Variants in ADGRL2 observed in about 807,000 individuals in gnomAD.
The protein encoded by ADGRL2 is adhesion G protein-coupled receptor L2.
Under a neutral mutation model 157.4 loss-of-function variants are expected in ADGRL2, and 44 were observed. That is an observed-to-expected ratio of 0.28 (90% CI 0.22 to 0.36). ADGRL2 has a LOEUF of 0.36. ADGRL2 is among the 10% of genes least tolerant of loss of function. The probability of loss-of-function intolerance (pLI) is 1.00; values close to 1 mark genes in which losing one functional copy is unlikely to be tolerated. For missense variants in ADGRL2, 1,510 were observed against 1,768.9 expected (o/e 0.85, Z 2.63); for synonymous variants, 585 against 624.7 (o/e 0.94, Z 0.95).
chr1:81,669,717 C>A (rs575565038), intron 3 of ADGRL2, among the ~76,000 whole-genome samples: 1 of 151,834 alleles, frequency 6.6e-6, no homozygotes, highest in Non-Finnish European at 1.5e-5. Context: ...CCAAGGCGGG[C>A]GGATCATGAG....
At chr1:81,478,307 G>A (rs1436694772) in intron 2 of ADGRL2, among the ~76,000 whole-genome samples, 1 of 152,158 alleles carries the variant, frequency 6.6e-6, no homozygotes, top group Non-Finnish European at 1.5e-5. Context: ...TATGCCCAGG[G>A]CTCTAGATGA....
At chr1:81,632,681 C>T (rs927676219) in intron 3 of ADGRL2, among the ~76,000 whole-genome samples, 2 of 151,900 alleles carry the variant, frequency 1.3e-5, no homozygotes, top group East Asian at 1.9e-4. Context: ...ATAGCGTGAA[C>T]CCGGGAGGCG....
At position 81,377,821 on chromosome 1, in the gene ADGRL2, T is replaced by A. The variant is rs11163267; in HGVS notation, c.-301-67215T>A. ...TACCTCCTTAACACCACATCTCTCA[T>A]GATTTTGTACCTAATTTTGAATTTT... On this transcript the variant is annotated intron_variant, in intron 1 of 24. Transcript: ENST00000370721. Among the ~76,000 whole-genome samples, 217 of 152,054 alleles carry A rather than the reference T, an allele frequency of 1.4e-3. 1 individual carries two copies. Among genetic ancestry groups the A allele is most frequent in the African/African-American group, 4.9e-3 (203 of 41,460 alleles).
chr1:81,720,184 C>CTTTTTT (rs112579932), intron 1 of ADGRL2, among the ~76,000 whole-genome samples: 1 of 122,054 alleles, frequency 8.2e-6, no homozygotes, highest in Non-Finnish European at 1.8e-5. Flanking sequence ...TTTTTCTTTT[C>CTTTTTT]TTTTTTTTTT....
At chr1:81,403,799 A>AT (rs200477492) in intron 1 of ADGRL2, among the ~76,000 whole-genome samples, 44,645 of 139,118 alleles carry the variant, frequency 0.32, 7,745 homozygotes, top group East Asian at 0.61. Flanking sequence ...AATGTCTTTG[A>AT]TTTTTTTTTT....
At chr1:81,415,990 G>C (rs1440755574) in intron 1 of ADGRL2, among the ~76,000 whole-genome samples, 1 of 151,808 alleles carries the variant, frequency 6.6e-6, no homozygotes. Context: ...ACAGGCGCCC[G>C]CCACCATGCC....
chr1:81,933,905 C>T (rs1389038260), intron 3 of ADGRL2, among the ~76,000 whole-genome samples: 1 of 151,984 alleles, frequency 6.6e-6, no homozygotes, highest in Non-Finnish European at 1.5e-5. Flanking sequence ...CTTTCTGACC[C>T]TTAACTGTTT....
intron 2 of ADGRL2, among the ~76,000 whole-genome samples, chr1:81,789,163 A>G (rs1173539048): frequency 6.6e-6 from 1 of 152,226 alleles, no homozygotes; most frequent in Non-Finnish European, 1.5e-5. Flanking sequence ...TACAGGCCAC[A>G]GCAGTTTGAG....
intron 2 of ADGRL2, among the ~76,000 whole-genome samples, chr1:81,852,867 A>C (rs1383674336): frequency 2.6e-5 from 4 of 152,164 alleles, no homozygotes; most frequent in African/African-American, 9.7e-5. Flanking sequence ...GCTTTATTAA[A>C]TTATTTTTTA....
In ADGRL2 at chr1:81,559,371, G is replaced by A. The variant is rs934978885; in HGVS notation, c.-247-21505G>A. 4.0e-5 allele frequency among the ~76,000 whole-genome samples: 6 copies of A among 151,636 alleles called. No homozygotes were observed. In the East Asian group the frequency reaches 5.8e-4, roughly 15 times the overall value. On this transcript the variant is annotated intron_variant, in intron 2 of 24. Coordinates refer to the ADGRL2 transcript ENST00000370721. ...TTGTGATGGATATAAATACGATGAA[G>A]AATTGGTATCATGTACAGTTCAATA...
At chr1:81,314,469 G>A (rs1443410721) in intron 1 of ADGRL2, among the ~76,000 whole-genome samples, 2 of 152,084 alleles carry the variant, frequency 1.3e-5, no homozygotes, top group Non-Finnish European at 2.9e-5. Flanking sequence ...TTTGCCCTCA[G>A]TAATATCAGC....
chr1:81,450,798 A>G (rs2077688690), intron 2 of ADGRL2, among the ~76,000 whole-genome samples: 1 of 152,242 alleles, frequency 6.6e-6, no homozygotes, highest in South Asian at 2.1e-4. Flanking sequence ...AAAGCATTAT[A>G]TGTGCTTTTT....
At chr1:81,941,228 A>T (rs2148926055) in intron 4 of ADGRL2, among the ~76,000 whole-genome samples, 1 of 151,340 alleles carries the variant, frequency 6.6e-6, no homozygotes, top group Non-Finnish European at 1.5e-5. Context: ...ATAATATAGA[A>T]AATTTAATAA....
chr1:81,548,808 G>A (rs1445101672), intron 2 of ADGRL2, among the ~76,000 whole-genome samples: 2 of 152,206 alleles, frequency 1.3e-5, no homozygotes, highest in Non-Finnish European at 2.9e-5. Flanking sequence ...AAGGATTTGA[G>A]TCAGTGGACA....
Position 81,985,258 on chromosome 1 carries a change from G to A in ADGRL2, c.3412-1G>A. 6.5e-7 allele frequency: 1 copy of A among 1,544,548 alleles called. No individual in the cohort carries two copies. Among genetic ancestry groups the A allele is most frequent in the Non-Finnish European group, 8.9e-7 (1 of 1,122,270 alleles). On this transcript the variant is annotated splice_acceptor_variant, in intron 20 of 23. Coordinates refer to ENST00000686636, the MANE Select transcript of ADGRL2 (RefSeq NM_001366006.2). LOFTEE classifies it high-confidence loss of function. ...TTTGTCTTGCTGTTTTGTATTAATA[G>A]AGTCGTATAAGAAGAATGTGGAATG... is the stretch of plus-strand genomic sequence containing the variant.
rs1276140829 is a variant in ADGRL2, at chr1:81,985,298, CA to C, written c.3453del (p.Gln1151HisfsTer21). On this transcript the variant is annotated frameshift_variant, in exon 21 of 24. Transcript: ENST00000686636. LOFTEE classifies it high-confidence loss of function. Reference sequence around the variant, plus strand: ...AATGTGGAATGATACTGTGAGAAAACAATCAGAATCTTCTTTTATCTCAGGT... The same window carrying C: ...AATGTGGAATGATACTGTGAGAAAACATCAGAATCTTCTTTTATCTCAGGT... The part of the protein sequence containing the change: ...RRMWNDTVRK[Q>X]SESSFISGDI... 1 of 1,605,494 alleles carries C rather than the reference CA, an allele frequency of 6.2e-7. No homozygotes were observed. The highest frequency in any genetic ancestry group is 8.5e-7 in the Non-Finnish European group (1 of 1,173,880).
chr1:81,740,768 G>A (rs953574589), intron 1 of ADGRL2, among the ~76,000 whole-genome samples: 2 of 152,094 alleles, frequency 1.3e-5, no homozygotes, highest in African/African-American at 4.8e-5. Context: ...AATATCCACA[G>A]CCTTGGCTGC....
chr1:81,494,777 A>G (rs2078698880), intron 2 of ADGRL2, among the ~76,000 whole-genome samples: 1 of 152,144 alleles, frequency 6.6e-6, no homozygotes, highest in Admixed American at 6.6e-5. Context: ...TTGTTTTAAT[A>G]CATCAGTTCC....
At chr1:81,669,749 T>C (rs551423750) in intron 3 of ADGRL2, among the ~76,000 whole-genome samples, 52 of 152,148 alleles carry the variant, frequency 3.4e-4, no homozygotes, top group Admixed American at 7.8e-4. Context: ...GAGACCATCC[T>C]GGCTAACACG....
Sources: gnomAD v4.1 joint callset for allele counts (sites outside exome capture counted in the v4.1 genomes callset) on GRCh38, gnomAD v4.1.1 for gene constraint, MANE v1.5 for transcripts, NCBI Gene and HGNC (gene_info 2026-07-23, HGNC 2026-07-21) for gene names.